Variants in CCNYL1 observed in about 807,000 individuals in gnomAD.
The protein encoded by CCNYL1 is cyclin Y like 1, also known as cyclin-Y-like protein 1.
CCNYL1 carries 16 observed loss-of-function variants against 44.2 expected under a neutral mutation model. That is an observed-to-expected ratio of 0.36 (90% CI 0.25 to 0.55). The LOEUF is 0.55. Among genes scored for constraint, CCNYL1 ranks in the 20% least tolerant of loss-of-function variants. The pLI is 0.85. For missense variants in CCNYL1, 348 were observed against 451.8 expected (o/e 0.77, Z 2.08); for synonymous variants, 159 against 163.2 (o/e 0.97, Z 0.20).
chr2:207,734,088 C>T, intron 4 of CCNYL1, 41 bp downstream of exon 4: 1 of 1,281,102 alleles, frequency 7.8e-7, no homozygotes, highest in South Asian at 1.2e-5. Flanking sequence ...TGACAGACCC[C>T]CTTATGCTAA....
chr2:207,712,698 C>T (rs182226399), intron 1 of CCNYL1, among the ~76,000 whole-genome samples: 2 of 152,246 alleles, frequency 1.3e-5, no homozygotes, highest in African/African-American at 2.4e-5. Context: ...GTTAAGTCGG[C>T]GTGAAAGAAG....
Position 207,753,901 on chromosome 2 carries a change from C to A in CCNYL1, c.*203C>A. The A allele has an allele frequency of 8.9e-6, 4 of 451,532 alleles. No individual in the cohort carries two copies. The highest frequency in any genetic ancestry group is 1.2e-5 in the Non-Finnish European group (3 of 253,340). 28.0% of individuals were successfully genotyped at this position (451,532 alleles called of 1,614,324 possible). On this transcript the variant is annotated 3_prime_UTR_variant, in exon 10 of 10. Transcript: ENST00000295414. ...CAATGCAACAAAACACTCTTCTGTC[C>A]TTTTTAATGTAAACAGAGTTACAAA... is the stretch of plus-strand genomic sequence containing the variant.
At chr2:207,741,697 T>A (rs1395800164) in intron 6 of CCNYL1, among the ~76,000 whole-genome samples, 2 of 151,556 alleles carry the variant, frequency 1.3e-5, no homozygotes, top group African/African-American at 4.9e-5. Flanking sequence ...ATACAAAAAA[T>A]TAGCCGGACA....
chr2:207,735,918 C>A (rs1052928717), intron 4 of CCNYL1, among the ~76,000 whole-genome samples: 1 of 151,968 alleles, frequency 6.6e-6, no homozygotes, highest in Admixed American at 6.6e-5. Flanking sequence ...CTCCTCATGC[C>A]CCAAGTCATA....
intron 3 of CCNYL1, among the ~76,000 whole-genome samples, chr2:207,728,788 A>G (rs2091699449): frequency 6.6e-6 from 1 of 151,694 alleles, no homozygotes; most frequent in Non-Finnish European, 1.5e-5. Flanking sequence ...ATGGCTTGCT[A>G]TGGACCTTTT....
intron 9 of CCNYL1, among the ~76,000 whole-genome samples, chr2:207,751,620 C>T (rs548353363): frequency 1.4e-4 from 22 of 151,884 alleles, no homozygotes; most frequent in African/African-American, 3.4e-4. Context: ...TTTGGGAGGC[C>T]GAGGAGGGCA....
intron 5 of CCNYL1, among the ~76,000 whole-genome samples, chr2:207,738,372 C>T (rs1194442726): frequency 6.6e-6 from 1 of 152,136 alleles, no homozygotes; most frequent in Non-Finnish European, 1.5e-5. Context: ...AGGCGCATGC[C>T]ACCACGCCTG....
chr2:207,733,814 C>G (rs2091746130), intron 3 of CCNYL1, 133 bp from the exon 4 acceptor site: 3 of 613,884 alleles, frequency 4.9e-6, no homozygotes, highest in Non-Finnish European at 8.9e-6. Flanking sequence ...GCACATGATA[C>G]TACACTCAGG....
chr2:207,716,066 T>C (rs1440816930), intron 1 of CCNYL1, among the ~76,000 whole-genome samples: 3 of 152,244 alleles, frequency 2.0e-5, no homozygotes, highest in Non-Finnish European at 2.9e-5. Context: ...TTTAACGGTA[T>C]GTCTAACATA....
chr2:207,717,451 C>G (rs2091605908), intron 1 of CCNYL1, among the ~76,000 whole-genome samples: 1 of 152,162 alleles, frequency 6.6e-6, no homozygotes, highest in African/African-American at 2.4e-5. Flanking sequence ...AAGACAGAAC[C>G]TCATCCTAAC....
At chr2:207,741,600 T>C (rs2091810378) in intron 6 of CCNYL1, among the ~76,000 whole-genome samples, 1 of 151,922 alleles carries the variant, frequency 6.6e-6, no homozygotes, top group African/African-American at 2.4e-5. Flanking sequence ...TAATCCCAGC[T>C]CTTTGGGAGG....
At chr2:207,743,088 A>G (rs1432067996) in intron 7 of CCNYL1, among the ~76,000 whole-genome samples, 1 of 152,140 alleles carries the variant, frequency 6.6e-6, no homozygotes, top group African/African-American at 2.4e-5. Context: ...GTCAGTACCT[A>G]CTCCTTTAGC....
Position 207,711,679 on chromosome 2 carries a change from G to T in CCNYL1, c.-218G>T. On this transcript the variant is annotated 5_prime_UTR_variant, in exon 1 of 10. Coordinates refer to ENST00000295414, the MANE Select transcript of CCNYL1 (RefSeq NM_001330218.2). ...TTAAGGGAGGCGGCGGCAGCGCGGC[G>T]GTGGGGGTGCGGCCGAGGCCCGAGC... 6.4e-6 allele frequency: 1 copy of T among 155,564 alleles called. No individual in the cohort carries two copies. Among genetic ancestry groups the T allele is most frequent in the South Asian group, 1.9e-4 (1 of 5,300 alleles). 9.6% of individuals were successfully genotyped at this position (155,564 alleles called of 1,614,324 possible). A position where few individuals can be genotyped will look rare whatever the true frequency, so the allele number is the denominator to read the frequency against.
intron 7 of CCNYL1, among the ~76,000 whole-genome samples, chr2:207,743,973 A>G (rs1205539907): frequency 6.6e-6 from 1 of 152,166 alleles, no homozygotes; most frequent in African/African-American, 2.4e-5. Flanking sequence ...GGAGAGGCAG[A>G]TTGAACAAAG....
chr2:207,729,884 T>G (rs989005235), intron 3 of CCNYL1, among the ~76,000 whole-genome samples: 6 of 107,148 alleles, frequency 5.6e-5, no homozygotes, highest in African/African-American at 3.3e-4. Flanking sequence ...CCTGGCTAAT[T>G]TTTTTTTTTT....
chr2:207,739,302 C>T (rs1012563064), intron 5 of CCNYL1, among the ~76,000 whole-genome samples: 9 of 152,142 alleles, frequency 5.9e-5, no homozygotes, highest in Admixed American at 2.0e-4. Context: ...GTGCCATCTT[C>T]GCTCACTGTA....
intron 1 of CCNYL1, 109 bp downstream of exon 1, chr2:207,712,225 C>T (rs962502401): frequency 1.1e-6 from 1 of 892,648 alleles, no homozygotes; most frequent in Non-Finnish European, 1.7e-6. Flanking sequence ...TGCCGGTAGC[C>T]GGCCCCGGGA....
chr2:207,712,940 C>G (rs993584732), intron 1 of CCNYL1, among the ~76,000 whole-genome samples: 1 of 152,162 alleles, frequency 6.6e-6, no homozygotes, highest in Non-Finnish European at 1.5e-5. Context: ...CTCAGCCTCC[C>G]GAGTAGCTGG....
Position 207,737,416 on chromosome 2 carries a change from C to T in CCNYL1, c.437C>T (p.Thr146Ile). The T allele has an allele frequency of 6.2e-7, 1 of 1,609,230 alleles. No homozygotes were observed. The highest frequency in any genetic ancestry group is 8.5e-7 in the Non-Finnish European group (1 of 1,176,380). ...PNLRTTVKCV[T>I]LAIYYHIKNR... ...ATTTTTTTTTCCCTTCACAGTGTGACCTTAGCAATATATTACCACATAAAG... is the reference window on the plus strand; with the variant it reads ...ATTTTTTTTTCCCTTCACAGTGTGATCTTAGCAATATATTACCACATAAAG... The change falls in exon 5 of 10, where the codon ACC becomes ATC. Residue 146 changes from threonine (T) to isoleucine (I), a missense_variant. Thr to Ile is a moderately conservative substitution (Grantham distance 89). Transcript: ENST00000295414.
Sources: allele counts gnomAD v4.1 joint callset (sites outside exome capture counted in the v4.1 genomes callset), GRCh38; gene constraint gnomAD v4.1.1; transcripts MANE v1.5; gene names NCBI Gene and HGNC (gene_info 2026-07-23, HGNC 2026-07-21).